IPMK: variants seen among roughly 807,000 people sequenced by gnomAD.
The protein encoded by IPMK is inositol polyphosphate multikinase.
Under a neutral mutation model 45.8 loss-of-function variants are expected in IPMK, and 17 were observed. The ratio of observed to expected loss-of-function variants is 0.37; its 90% CI spans 0.25 to 0.56. The LOEUF (loss-of-function observed/expected upper bound fraction) is 0.56, where lower values mean the gene tolerates loss of function less well. IPMK is among the 20% of genes least tolerant of loss of function. IPMK has a pLI of 0.79. For missense variants in IPMK, 399 were observed against 498.0 expected, an observed-to-expected ratio of 0.80 and a Z score of 1.89; for synonymous variants, 180 against 184.3, an observed-to-expected ratio of 0.98 and a Z score of 0.19.
intron 1 of IPMK, among the ~76,000 whole-genome samples, chr10:58,256,758 G>A (rs1838974465): frequency 6.6e-6 from 1 of 152,038 alleles, no homozygotes; most frequent in African/African-American, 2.4e-5. Context: ...CTCTTTATTT[G>A]TCAGACCAGC....
rs1019693458 is a variant in IPMK, at chr10:58,267,869, C to G, written c.-258G>C. 2.7e-4 allele frequency: 118 copies of G among 436,928 alleles called. No individual in the cohort carries two copies. The highest frequency in any genetic ancestry group is 3.7e-4 in the Non-Finnish European group (92 of 247,546). 27.1% of individuals were successfully genotyped at this position (436,928 alleles called of 1,614,324 possible). A position where few individuals can be genotyped will look rare whatever the true frequency, so the allele number is the denominator to read the frequency against. ...CGCAGCCGCCGGCCCCGGCGCTGCCCGGTAGACAGAACCGAGCCGAAGAAC... is the reference window on the plus strand; with the variant it reads ...CGCAGCCGCCGGCCCCGGCGCTGCCGGGTAGACAGAACCGAGCCGAAGAAC... On this transcript the variant is annotated 5_prime_UTR_variant, in exon 1 of 6. Coordinates refer to ENST00000373935, the MANE Select transcript of IPMK (RefSeq NM_152230.5).
At chr10:58,249,247 GTCTC>G (rs1338400615) in intron 1 of IPMK, among the ~76,000 whole-genome samples, 19 of 152,056 alleles carry the variant, frequency 1.2e-4, no homozygotes. Flanking sequence ...TTGAGATAGG[GTCTC>G]TCTCTGTAAC....
chr10:58,248,626 A>T (rs1230507180), intron 1 of IPMK, among the ~76,000 whole-genome samples: 1 of 151,456 alleles, frequency 6.6e-6, no homozygotes, highest in Non-Finnish European at 1.5e-5. Flanking sequence ...CTATCGTGCT[A>T]TTAAACACTA....
At chr10:58,246,728 C>A (rs1188393988) in intron 1 of IPMK, among the ~76,000 whole-genome samples, 2 of 151,752 alleles carry the variant, frequency 1.3e-5, no homozygotes, top group Non-Finnish European at 2.9e-5. Flanking sequence ...CATTACCATT[C>A]AGGACACAGG....
intron 4 of IPMK, among the ~76,000 whole-genome samples, chr10:58,208,824 T>A (rs1301433285): frequency 1.3e-5 from 2 of 152,236 alleles, no homozygotes; most frequent in Non-Finnish European, 2.9e-5. Flanking sequence ...TATCCCTGCA[T>A]AGGCAGCAGA....
At chr10:58,245,146 G>C (rs1838777647) in intron 1 of IPMK, among the ~76,000 whole-genome samples, 2 of 151,522 alleles carry the variant, frequency 1.3e-5, no homozygotes, top group Admixed American at 1.3e-4. Context: ...AAAACTTAAA[G>C]ACATTATGCT....
chr10:58,242,474 A>G (rs868182002), intron 1 of IPMK, among the ~76,000 whole-genome samples: 250 of 148,754 alleles, frequency 1.7e-3, no homozygotes, highest in Middle Eastern at 6.9e-3. Flanking sequence ...AAAAAAAAAA[A>G]AGAAAAGAAA....
At chr10:58,265,654 C>A (rs1210484350) in intron 1 of IPMK, among the ~76,000 whole-genome samples, 1 of 152,174 alleles carries the variant, frequency 6.6e-6, no homozygotes, top group Non-Finnish European at 1.5e-5. Flanking sequence ...ACTCAAAAGA[C>A]CCTTATGAAA....
At chr10:58,199,959 T>A in intron 4 of IPMK, among the ~76,000 whole-genome samples, 1 of 151,972 alleles carries the variant, frequency 6.6e-6, no homozygotes, top group East Asian at 1.9e-4. Flanking sequence ...CCAAAGAACA[T>A]GAAAATAAGC....
chr10:58,218,819 CTTACTT>C (rs1482472539), intron 3 of IPMK, among the ~76,000 whole-genome samples: 1 of 152,130 alleles, frequency 6.6e-6, no homozygotes, highest in African/African-American at 2.4e-5. Flanking sequence ...TCTCCTATCT[CTTACTT>C]TTTCTTTTTG....
In IPMK at chr10:58,196,368, C is replaced by G. The variant is rs535168447; in HGVS notation, c.959G>C (p.Arg320Pro). The G allele has an allele frequency of 4.3e-6, 7 of 1,614,100 alleles. No homozygotes were observed. Among genetic ancestry groups the G allele is most frequent in the Non-Finnish European group, 5.9e-6 (7 of 1,180,006 alleles). ...VGKSLSKMYA[R>P]HRKIYTKKHH... The stretch of plus-strand genomic sequence containing the variant: ...CTTTTTTGTATATATTTTCCTGTGA[C>G]GCGCATACATCTTGGACAAGCTTTT... Residue 320 changes from arginine to proline, a missense_variant, in exon 6 of 6, where the codon CGT becomes CCT. Arg to Pro is a moderately radical substitution (Grantham distance 103, BLOSUM62 -2). Around this residue, in one of 2 missense-constraint regions of IPMK, gnomAD observed 288 missense variants for 398.0 expected, o/e 0.72. Transcript: ENST00000373935.
At chr10:58,242,660 AT>A (rs1838713769) in intron 1 of IPMK, among the ~76,000 whole-genome samples, 2 of 151,782 alleles carry the variant, frequency 1.3e-5, no homozygotes, top group South Asian at 4.2e-4. Flanking sequence ...AATTATACAA[AT>A]TGAAACACAA....
At position 58,267,550 on chromosome 10, in the gene IPMK, G is replaced by A. The variant is rs781422552; in HGVS notation, c.62C>T (p.Thr21Ile). Residue 21 changes from threonine (T) to isoleucine (I), a missense_variant, in exon 1 of 6, where the codon ACC becomes ATC. Physicochemically the swap from Thr to Ile is moderately conservative, Grantham distance 89. Transcript: ENST00000373935. ...VEAPGPPEMR[T>I]SPAIESTPEG... The stretch of plus-strand genomic sequence containing the variant: ...AGGGGTGGACTCGATCGCCGGTGAG[G>A]TCCGCATTTCTGGGGGGCCCGGCGC... 1 of 1,611,446 alleles carries A rather than the reference G, an allele frequency of 6.2e-7. No individual in the cohort carries two copies. The highest frequency in any genetic ancestry group is 8.5e-7 in the Non-Finnish European group (1 of 1,179,084).
chr10:58,215,952 T>G (rs77837158), intron 4 of IPMK, among the ~76,000 whole-genome samples, 193 bp downstream of exon 4: 2,375 of 152,172 alleles, frequency 0.016, 60 homozygotes, highest in African/African-American at 0.055. Context: ...CCAGAGAAAC[T>G]GACCATATAT....
At position 58,216,208 on chromosome 10, in the gene IPMK, A is replaced by T; in HGVS notation, c.483T>A (p.Ile161=). The T allele has an allele frequency of 1.2e-6, 2 of 1,612,522 alleles. No individual in the cohort carries two copies. Among genetic ancestry groups the T allele is most frequent in the Non-Finnish European group, 1.7e-6 (2 of 1,179,246 alleles). The stretch of plus-strand genomic sequence containing the variant: ...ATGGGTACTTGCTGACCTGTTGCTG[A>T]ATCTTCTCAGATGAGGCAAAAGGAT... ...SYDPFASSEK[I]QQQVSKYPLM... The change falls in exon 4 of 6, where the codon ATT becomes ATA. Residue 161 remains isoleucine (I), a synonymous_variant. Coordinates refer to ENST00000373935, the MANE Select transcript of IPMK (RefSeq NM_152230.5).
intron 3 of IPMK, among the ~76,000 whole-genome samples, chr10:58,221,089 G>T (rs1348008223): frequency 1.8e-4 from 27 of 152,042 alleles, no homozygotes. Context: ...CCAACCCTCA[G>T]GCTAATATCA....
At chr10:58,213,241 T>C (rs1296470901) in intron 4 of IPMK, among the ~76,000 whole-genome samples, 1 of 152,138 alleles carries the variant, frequency 6.6e-6, no homozygotes, top group Non-Finnish European at 1.5e-5. Context: ...GATGTACATA[T>C]CAGGAGATCA....
rs1350709643 is a variant in IPMK, at chr10:58,208,223, A to C, written c.546+7922T>G. On this transcript the variant is annotated intron_variant, in intron 4 of 5. Transcript: ENST00000373935. ...CCAAAGTGCTGGGATTACAGGTGTG[A>C]GCCACCACACCTGGCCCTGTTTTTA... 3.3e-5 allele frequency among the ~76,000 whole-genome samples: 5 copies of C among 152,132 alleles called. No homozygotes were observed. In the East Asian group the frequency reaches 9.6e-4, roughly 29 times the overall value.
chr10:58,211,348 T>A (rs1004613202), intron 4 of IPMK, among the ~76,000 whole-genome samples: 1 of 151,910 alleles, frequency 6.6e-6, no homozygotes, highest in African/African-American at 2.4e-5. Context: ...TGTGCCACCA[T>A]ATGCAACTAA....
Sources: gnomAD v4.1 joint callset for allele counts (sites outside exome capture counted in the v4.1 genomes callset) on GRCh38, gnomAD v4.1.1 for gene constraint, gnomAD v4.1.1 regional missense constraint, MANE v1.5 for transcripts, NCBI Gene and HGNC (gene_info 2026-07-23, HGNC 2026-07-21) for gene names.